EXD3: variants seen among roughly 807,000 people sequenced by gnomAD.
EXD3 encodes exonuclease mut-7 homolog.
A neutral mutation model predicts 98.0 loss-of-function variants in EXD3; 92 were observed. The observed-to-expected ratio is 0.94, with a 90% CI of 0.79 to 1.12. The LOEUF is 1.12. Among genes scored for constraint, EXD3 ranks in the 50% most tolerant of loss-of-function variants. The pLI is 0.00. For synonymous variants in EXD3, 569 were observed against 526.0 expected (o/e 1.08, Z -1.12); for missense variants, 1,222 against 1,191.6 (o/e 1.03, Z -0.38).
At chr9:137,415,289 C>T (rs980985601) in intron 1 of EXD3, among the ~76,000 whole-genome samples, 3 of 151,368 alleles carry the variant, frequency 2.0e-5, no homozygotes, top group Non-Finnish European at 2.9e-5. Flanking sequence ...CTGCAACCTC[C>T]GCCTCCCGGG....
chr9:137,389,540 G>A (rs1351934162), intron 2 of EXD3, among the ~76,000 whole-genome samples: 1 of 152,182 alleles, frequency 6.6e-6, no homozygotes, highest in Admixed American at 6.5e-5. Context: ...TCGATGCTGT[G>A]GACCCCACAA....
chr9:137,383,790 C>T (rs1428235321), intron 2 of EXD3, among the ~76,000 whole-genome samples: 1 of 152,238 alleles, frequency 6.6e-6, no homozygotes, highest in Non-Finnish European at 1.5e-5. Context: ...GGACCCCAAG[C>T]CCCTGCCCTC....
chr9:137,348,107 C>T lies in EXD3; in HGVS notation c.1962G>A (p.Met654Ile), dbSNP rs867434191. The part of the protein sequence containing the change: ...SLRCLGVDAR[M>I]LGNGEDHRRA... ...TGCGGTGGTCTTCACCATTGCCCAG[C>T]ATGCGTGCATCCACACCGAGACAGC... The change falls in exon 17 of 22, where the codon ATG becomes ATA. Residue 654 changes from methionine to isoleucine, a missense_variant. Coordinates refer to ENST00000340951, the MANE Select transcript of EXD3 (RefSeq NM_017820.5). 3.7e-6 allele frequency: 6 copies of T among 1,611,958 alleles called. 1 individual carries two copies. Among genetic ancestry groups the T allele is most frequent in the Middle Eastern group, 3.4e-4 (2 of 5,938 alleles).
chr9:137,371,386 C>T lies in EXD3; in HGVS notation c.462+1519G>A, dbSNP rs1004060203. ...GTGACAGCGCCAGGGGTGGGGCCCGCGCGGCCCACACAGGGGACACTCCTG... is the reference window on the plus strand; with the variant it reads ...GTGACAGCGCCAGGGGTGGGGCCCGTGCGGCCCACACAGGGGACACTCCTG... On this transcript the variant is annotated intron_variant, in intron 5 of 21. Coordinates refer to ENST00000340951, the MANE Select transcript of EXD3 (RefSeq NM_017820.5). This position sits in a 1 kb window ranked among gnomAD's most constrained non-coding sequence, Gnocchi z 8.0. Among the ~76,000 whole-genome samples, 36 of 152,162 alleles carry T rather than the reference C, an allele frequency of 2.4e-4. No homozygotes were observed. The highest frequency in any genetic ancestry group is 6.0e-4 in the African/African-American group (25 of 41,522).
intron 2 of EXD3, among the ~76,000 whole-genome samples, chr9:137,386,904 A>T (rs1250394355): frequency 2.6e-5 from 2 of 76,322 alleles, no homozygotes; most frequent in Admixed American, 1.6e-4. Flanking sequence ...TGGCCCCCTC[A>T]GCACCCCTGC....
intron 19 of EXD3, among the ~76,000 whole-genome samples, chr9:137,312,670 C>T (rs2119053134): frequency 6.6e-6 from 1 of 152,002 alleles, no homozygotes; most frequent in South Asian, 2.1e-4. Context: ...GGGAGGCGCA[C>T]TCAGGACCAA....
chr9:137,316,455 C>T (rs1327280781), intron 19 of EXD3, among the ~76,000 whole-genome samples: 2 of 152,046 alleles, frequency 1.3e-5, no homozygotes, highest in Non-Finnish European at 2.9e-5. Flanking sequence ...AGCCCGCGCG[C>T]CCCGGGCGTG....
chr9:137,323,984 G>C, intron 18 of EXD3, 106 bp downstream of exon 18: 1 of 1,529,036 alleles, frequency 6.5e-7, no homozygotes, highest in South Asian at 1.2e-5. Flanking sequence ...AGAGGCGCTG[G>C]GGGTCGGCCC....
intron 17 of EXD3, among the ~76,000 whole-genome samples, chr9:137,327,390 C>T (rs1480457897): frequency 6.6e-6 from 1 of 152,120 alleles, no homozygotes; most frequent in Non-Finnish European, 1.5e-5. Context: ...GCGTCGGCCT[C>T]CCAAAGTGCT....
At chr9:137,310,951 T>C (rs917846687) in intron 19 of EXD3, among the ~76,000 whole-genome samples, 8 of 152,188 alleles carry the variant, frequency 5.3e-5, no homozygotes, top group African/African-American at 1.2e-4. Context: ...CCAGATGACA[T>C]GGCTGCCGCA....
intron 1 of EXD3, among the ~76,000 whole-genome samples, chr9:137,413,532 G>T (rs554063182): frequency 6.8e-6 from 1 of 147,776 alleles, no homozygotes; most frequent in South Asian, 2.2e-4. Context: ...TTGAGACAGG[G>T]TCTCGCTCTG....
At chr9:137,326,318 T>C (rs902334495) in intron 17 of EXD3, among the ~76,000 whole-genome samples, 22 of 152,020 alleles carry the variant, frequency 1.4e-4, no homozygotes, top group African/African-American at 5.3e-4. Flanking sequence ...ATATCCAGAG[T>C]ATAGGAGGAA....
intron 10 of EXD3, chr9:137,353,978 G>T (rs1834462158): frequency 2.7e-6 from 3 of 1,099,288 alleles, no homozygotes; most frequent in East Asian, 5.3e-5. Context: ...CCGGGCTGGG[G>T]GGGCCTGGCC....
chr9:137,362,673 T>G (rs572119118), intron 7 of EXD3, among the ~76,000 whole-genome samples: 1 of 152,280 alleles, frequency 6.6e-6, no homozygotes, highest in African/African-American at 2.4e-5. Context: ...CTTTGCCCAT[T>G]TTAACTTGGG....
At position 137,351,175 on chromosome 9, in the gene EXD3, G is replaced by A. The variant is rs750007244; in HGVS notation, c.1385-28C>T. The A allele has an allele frequency of 1.5e-5, 24 of 1,551,550 alleles. No homozygotes were observed. The East Asian group carries it at 1.7e-4, about 11-fold the overall frequency. The stretch of plus-strand genomic sequence containing the variant: ...GTGGGCAGGAACCATCGTGGGAGGG[G>A]CGCCTGCAGGCAGGGACCGCACTGT... On this transcript the variant is annotated intron_variant, in intron 13 of 21. Transcript: ENST00000340951.
intron 1 of EXD3, among the ~76,000 whole-genome samples, chr9:137,401,318 T>C (rs1167087285): frequency 1.3e-5 from 2 of 152,078 alleles, no homozygotes; most frequent in Admixed American, 6.6e-5. Flanking sequence ...CACACCCGAC[T>C]AAATATTTTT....
Position 137,354,880 on chromosome 9 carries a change from C to T in EXD3, c.758-107G>A, listed in dbSNP as rs546283337. 588 of 1,092,328 alleles carry T rather than the reference C, an allele frequency of 5.4e-4. 1 individual carries two copies. Among genetic ancestry groups the T allele is most frequent in the Middle Eastern group, 2.4e-3 (8 of 3,280 alleles). The allele number at this position is 1,092,328 out of a possible 1,614,324, so 67.7% of individuals were successfully genotyped here. On this transcript the variant is annotated intron_variant, in intron 8 of 21. Coordinates refer to ENST00000340951, the MANE Select transcript of EXD3 (RefSeq NM_017820.5). ...AGAGGGGCTGCGCCTGCCCCTTCACCGTCCTCCACCTCTGCCCCGGAGCCC... is the reference window on the plus strand; with the variant it reads ...AGAGGGGCTGCGCCTGCCCCTTCACTGTCCTCCACCTCTGCCCCGGAGCCC...
At chr9:137,352,346 C>G in intron 11 of EXD3, 145 bp from the exon 12 acceptor site, 1 of 1,198,638 alleles carries the variant, frequency 8.3e-7, no homozygotes, top group South Asian at 1.5e-5. Flanking sequence ...CAGTCCAGCC[C>G]AGCGTGACCC....
rs1834523652 is a variant in EXD3, at chr9:137,354,754, G to T, written c.777C>A (p.Ala259=). 6.2e-7 allele frequency: 1 copy of T among 1,610,340 alleles called. No homozygotes were observed. ...GVAPALCPNA[A]IQQRLAALRH... is the part of the protein sequence containing the mutation. ...GCAGGGCCGCCAGGCGCTGCTGAAT[G>T]GCCGCGTTGGGACACAGCGCTGAAA... The change falls in exon 9 of 22, where the codon GCC becomes GCA. Residue 259 remains alanine (A), a synonymous_variant. Transcript: ENST00000340951.
Sources: gnomAD v4.1 joint callset for allele counts (sites outside exome capture counted in the v4.1 genomes callset) on GRCh38, gnomAD v4.1.1 for gene constraint, Gnocchi (gnomAD v3.1) non-coding constraint, MANE v1.5 for transcripts, NCBI Gene and HGNC (gene_info 2026-07-23, HGNC 2026-07-21) for gene names.